LRRN2: variants seen among roughly 807,000 people sequenced by gnomAD.
The protein encoded by LRRN2 is leucine rich repeat neuronal 2.
LRRN2 carries 10 observed loss-of-function variants against 35.7 expected under a neutral mutation model. The ratio of observed to expected loss-of-function variants is 0.28; its 90% CI spans 0.17 to 0.47. The LOEUF (loss-of-function observed/expected upper bound fraction) is 0.47, where lower values mean the gene tolerates loss of function less well. Among genes scored for constraint, LRRN2 ranks in the 20% least tolerant of loss-of-function variants. LRRN2 has a pLI of 0.99. For missense variants in LRRN2, 731 were observed against 940.3 expected, an observed-to-expected ratio of 0.78 and a Z score of 2.91; for synonymous variants, 391 against 409.6, an observed-to-expected ratio of 0.95 and a Z score of 0.55.
intron 1 of LRRN2, chr1:204,629,461 C>T (rs1279171652): frequency 2.0e-5 from 3 of 152,952 alleles, no homozygotes; most frequent in Non-Finnish European, 4.4e-5. Flanking sequence ...TTGAATTGTA[C>T]TCCCATAATT....
intron 1 of LRRN2, among the ~76,000 whole-genome samples, chr1:204,638,272 C>T (rs969018709): frequency 2.0e-5 from 3 of 152,090 alleles, no homozygotes; most frequent in South Asian, 2.1e-4. Context: ...CAACAGGACT[C>T]GGCTCTGTGA....
intron 1 of LRRN2, among the ~76,000 whole-genome samples, chr1:204,666,823 G>C (rs563651344): frequency 1.3e-5 from 2 of 151,946 alleles, no homozygotes; most frequent in Non-Finnish European, 2.9e-5. Context: ...TTAGCCAGGC[G>C]TGGTGGCCCA....
intron 1 of LRRN2, among the ~76,000 whole-genome samples, chr1:204,671,466 G>A (rs970664853): frequency 6.7e-6 from 1 of 148,282 alleles, no homozygotes; most frequent in African/African-American, 2.5e-5. Flanking sequence ...CCTGAATGCA[G>A]GTAGAAAGAA....
At chr1:204,665,092 G>C (rs1246167052) in intron 1 of LRRN2, among the ~76,000 whole-genome samples, 7 of 151,994 alleles carry the variant, frequency 4.6e-5, no homozygotes, top group African/African-American at 1.7e-4. Context: ...CATCTTCCCA[G>C]GTGAGGTTCC....
chr1:204,627,674 T>C (rs1475746621), intron 1 of LRRN2, among the ~76,000 whole-genome samples: 2 of 152,250 alleles, frequency 1.3e-5, no homozygotes, highest in African/African-American at 4.8e-5. Flanking sequence ...AGCCAGCCTG[T>C]TGGGGGCACG....
chr1:204,619,810 C>T lies in LRRN2; in HGVS notation c.183G>A (p.Thr61=), dbSNP rs1316757224. Residue 61 remains threonine, a synonymous_variant, in exon 2 of 2, where the codon ACG becomes ACA. Coordinates refer to ENST00000367177, the MANE Select transcript of LRRN2 (RefSeq NM_201630.2). ...CTGCGGGGAGTGCCGGGGGGACTGCCGTCAGGAATAGGTCATTGCAGTCCA... is the reference window on the plus strand; with the variant it reads ...CTGCGGGGAGTGCCGGGGGGACTGCTGTCAGGAATAGGTCATTGCAGTCCA... ...TTVDCNDLFL[T]AVPPALPAGT... 6.8e-6 allele frequency: 11 copies of T among 1,613,870 alleles called. No individual in the cohort carries two copies. Among genetic ancestry groups the T allele is most frequent in the East Asian group, 2.2e-5 (1 of 44,890 alleles).
At chr1:204,657,379 G>A (rs993198688) in intron 1 of LRRN2, among the ~76,000 whole-genome samples, 1 of 112,786 alleles carries the variant, frequency 8.9e-6, no homozygotes, top group Non-Finnish European at 1.9e-5. Context: ...CATATATATG[G>A]TATATCCATA....
chr1:204,670,015 T>A (rs992231344), intron 1 of LRRN2, among the ~76,000 whole-genome samples: 1 of 151,804 alleles, frequency 6.6e-6, no homozygotes, highest in Non-Finnish European at 1.5e-5. Context: ...CGTTTTTTTT[T>A]TTGTTTGTTT....
chr1:204,658,582 T>C (rs550476753), intron 1 of LRRN2, among the ~76,000 whole-genome samples: 37 of 152,258 alleles, frequency 2.4e-4, no homozygotes, highest in African/African-American at 7.2e-4. Context: ...TGGGGTGACA[T>C]GGGGTGAGGA....
chr1:204,652,609 G>A (rs572046650), intron 1 of LRRN2, among the ~76,000 whole-genome samples: 31 of 152,240 alleles, frequency 2.0e-4, no homozygotes, highest in African/African-American at 7.0e-4. Context: ...GTAGGTACTG[G>A]ATAAATGGCA....
chr1:204,620,384 C>T (rs1029889596), intron 1 of LRRN2, 166 bp from the exon 2 acceptor site: 1 of 259,922 alleles, frequency 3.8e-6, no homozygotes, highest in Admixed American at 5.1e-5. Flanking sequence ...AGCGATTCTC[C>T]TGGCTCAGCC....
At chr1:204,676,687 C>A (rs1281284513) in intron 1 of LRRN2, among the ~76,000 whole-genome samples, 8 of 152,182 alleles carry the variant, frequency 5.3e-5, no homozygotes, top group Non-Finnish European at 1.2e-4. Context: ...CATTCCCATT[C>A]CCACTTCTAT....
At position 204,619,450 on chromosome 1, in the gene LRRN2, G is replaced by T. The variant is rs1340608396; in HGVS notation, c.543C>A (p.Asp181Glu). The T allele has an allele frequency of 6.2e-7, 1 of 1,614,254 alleles. No homozygotes were observed. Among genetic ancestry groups the T allele is most frequent in the Admixed American group, 1.7e-5 (1 of 60,026 alleles). ...TGGGCAGCATTTCAAACCAGCGGCT[G>T]TCAATGGCCCTCAGGAGGTTGGAGT... ...HLNSNLLRAI[D>E]SRWFEMLPNL... Residue 181 changes from aspartate to glutamate, a missense_variant, in exon 2 of 2, where the codon GAC becomes GAA. Transcript: ENST00000367177.
intron 1 of LRRN2, among the ~76,000 whole-genome samples, chr1:204,636,540 A>T (rs1667838592): frequency 6.6e-6 from 1 of 152,182 alleles, no homozygotes; most frequent in Admixed American, 6.5e-5. Flanking sequence ...GTTTGAGACC[A>T]GCCTGGGCAA....
Position 204,631,256 on chromosome 1 carries a change from C to CAATCTAATATATATATATATATA in LRRN2, c.-226-11039_-226-11038insTATATATATATATATATTAGATT, listed in dbSNP as rs1282306008. On this transcript the variant is annotated intron_variant, in intron 1 of 1. Transcript: ENST00000367177. ...CAAGAAGAGTGATACCTAGAGTGTT[C>CAATCTAATATATATATATATATA]TATATATATATATATATATATATAT... 1.7e-3 allele frequency among the ~76,000 whole-genome samples: 63 copies of CAATCTAATATATATATATATATA among 36,918 alleles called. 16 individuals are homozygous for CAATCTAATATATATATATATATA. Among genetic ancestry groups the CAATCTAATATATATATATATATA allele is most frequent in the Middle Eastern group, 0.014 (1 of 74 alleles). 24.2% of individuals were successfully genotyped at this position (36,918 alleles called of 152,430 possible).
At chr1:204,645,055 T>A (rs1668075943) in intron 1 of LRRN2, among the ~76,000 whole-genome samples, 1 of 152,154 alleles carries the variant, frequency 6.6e-6, no homozygotes, top group South Asian at 2.1e-4. Flanking sequence ...TTCTCCACCT[T>A]ACACCTGCAC....
intron 1 of LRRN2, among the ~76,000 whole-genome samples, chr1:204,653,861 CAAA>C (rs35513876): frequency 2.5e-5 from 3 of 122,182 alleles, no homozygotes; most frequent in Non-Finnish European, 1.7e-5. Flanking sequence ...GACCCCATCT[CAAA>C]AAAAAAAAAA....
intron 1 of LRRN2, among the ~76,000 whole-genome samples, chr1:204,657,492 T>C (rs1168494480): frequency 1.3e-5 from 2 of 152,092 alleles, no homozygotes; most frequent in Admixed American, 6.5e-5. Context: ...AGGCTACGAA[T>C]TGTATGATTC....
At chr1:204,637,645 CGTGTGTGTGTGTGTGTGTGTGT>C (rs67761829) in intron 1 of LRRN2, among the ~76,000 whole-genome samples, 1 of 129,950 alleles carries the variant, frequency 7.7e-6, no homozygotes, top group Admixed American at 7.5e-5. Context: ...CAGCACGTGA[CGTGTGTGTGTGTGTGTGTGTGT>C]GTGTGTGTGT....
Sources: allele counts gnomAD v4.1 joint callset (sites outside exome capture counted in the v4.1 genomes callset), GRCh38; gene constraint gnomAD v4.1.1; transcripts MANE v1.5; gene names NCBI Gene and HGNC (gene_info 2026-07-23, HGNC 2026-07-21).